RBPJ: variants seen among roughly 807,000 people sequenced by gnomAD.
The protein encoded by RBPJ is recombination signal binding protein for immunoglobulin kappa J region.
In RBPJ, 9 loss-of-function variants were observed where a neutral mutation model predicts 67.8. The observed-to-expected ratio is 0.13, with a 90% confidence interval of 0.08 to 0.23. RBPJ has a LOEUF of 0.23. Among genes scored for constraint, RBPJ ranks in the 10% least tolerant of loss-of-function variants. The pLI, the probability that RBPJ is intolerant of heterozygous loss-of-function variation, is 1.00. For synonymous variants in RBPJ, 198 were observed against 203.3 expected (o/e 0.97, Z 0.22); for missense variants, 305 against 595.6 (o/e 0.51, Z 5.08).
At chr4:26,221,182 C>T (rs1270855616) in intron 1 of RBPJ, among the ~76,000 whole-genome samples, 1 of 152,196 alleles carries the variant, frequency 6.6e-6, no homozygotes, top group Non-Finnish European at 1.5e-5. Flanking sequence ...CCTCCGCCTC[C>T]TGGGTTCACG....
intron 1 of RBPJ, among the ~76,000 whole-genome samples, chr4:26,197,952 A>G (rs574448926): frequency 6.6e-6 from 1 of 152,180 alleles, no homozygotes; most frequent in Admixed American, 6.5e-5. Context: ...TGTAATTTTC[A>G]TTATAATACT....
intron 1 of RBPJ, among the ~76,000 whole-genome samples, chr4:26,215,391 G>GAAGA (rs1718678606): frequency 3.2e-5 from 1 of 31,632 alleles, no homozygotes; most frequent in Non-Finnish European, 5.0e-5. Context: ...GGGAGGGAGA[G>GAAGA]AGGAAGGAAG....
intron 1 of RBPJ, among the ~76,000 whole-genome samples, chr4:26,366,273 T>G (rs368732304): frequency 4.0e-4 from 59 of 148,912 alleles, no homozygotes; most frequent in African/African-American, 1.3e-3. Context: ...AGATCAGTAG[T>G]TTTTTTTTGT....
chr4:26,189,223 A>C (rs564817024), intron 1 of RBPJ, among the ~76,000 whole-genome samples: 81 of 152,308 alleles, frequency 5.3e-4, no homozygotes, highest in African/African-American at 1.8e-3. Flanking sequence ...TCTCTATATT[A>C]AAAACAAATC....
At chr4:26,427,948 G>A (rs908618500) in intron 7 of RBPJ, among the ~76,000 whole-genome samples, 4 of 152,146 alleles carry the variant, frequency 2.6e-5, no homozygotes, top group African/African-American at 9.7e-5. Flanking sequence ...GTCATATAGG[G>A]TTTGATAGTA....
Position 26,386,423 on chromosome 4 carries a change from T to TA in RBPJ, c.59+33dup, listed in dbSNP as rs751570467. 14 of 1,438,842 alleles carry TA rather than the reference T, an allele frequency of 9.7e-6. No homozygotes were observed. The African/African-American group carries it at 1.9e-4, about 19-fold the overall frequency. 89.1% of individuals were successfully genotyped at this position (1,438,842 alleles called of 1,614,324 possible). On this transcript the variant is annotated intron_variant, in intron 2 of 10. Transcript: ENST00000355476. ...ATTATATTAGTCAGCTTTTTACACA[T>TA]ACATTTTATGAAAGTATAAATCTTA...
chr4:26,300,568 C>T (rs953324), intron 1 of RBPJ, among the ~76,000 whole-genome samples: 4,884 of 152,308 alleles, frequency 0.032, 204 homozygotes, highest in African/African-American at 0.098. Context: ...CAGAGGGCGG[C>T]TGACCTGAAT....
chr4:26,175,471 C>T (rs370355268), intron 1 of RBPJ, among the ~76,000 whole-genome samples: 3 of 152,234 alleles, frequency 2.0e-5, no homozygotes, highest in African/African-American at 7.2e-5. Flanking sequence ...AGACCCGCAT[C>T]ACATCGCAGG....
In RBPJ at chr4:26,431,380, G is replaced by A. The variant is rs1736223193; in HGVS notation, c.*373G>A. The A allele has an allele frequency of 5.3e-6, 1 of 187,798 alleles. No homozygotes were observed. Among genetic ancestry groups the A allele is most frequent in the South Asian group, 1.1e-4 (1 of 9,024 alleles). The allele number at this position is 187,798 out of a possible 1,614,324, so 11.6% of individuals were successfully genotyped here. A position where few individuals can be genotyped will look rare whatever the true frequency, so the allele number is the denominator to read the frequency against. On this transcript the variant is annotated 3_prime_UTR_variant, in exon 11 of 11. Transcript: ENST00000355476. ...ACACAAATCTAACATAGTTTTTATGGACCAAGGAACTTGTATATTGTATAA... is the reference window on the plus strand; with the variant it reads ...ACACAAATCTAACATAGTTTTTATGAACCAAGGAACTTGTATATTGTATAA...
chr4:26,320,010 T>C (rs551808574), upstream of RBPJ: 23 of 822,502 alleles, frequency 2.8e-5, no homozygotes, highest in African/African-American at 2.9e-4. Flanking sequence ...GCCGGCAGCG[T>C]CCTCGGCTGT....
At chr4:26,310,463 A>G (rs1328266750) in intron 1 of RBPJ, among the ~76,000 whole-genome samples, 1 of 152,202 alleles carries the variant, frequency 6.6e-6, no homozygotes, top group Non-Finnish European at 1.5e-5. Context: ...GCCCCTGCAC[A>G]ATCTGATAAC....
intron 1 of RBPJ, among the ~76,000 whole-genome samples, chr4:26,310,036 T>C (rs546140373): frequency 6.6e-6 from 1 of 152,338 alleles, no homozygotes; most frequent in East Asian, 1.9e-4. Flanking sequence ...CTGCTGCACA[T>C]ATTAACAAGC....
chr4:26,143,448 C>A, the RBPJ span, among the ~76,000 whole-genome samples: 1 of 152,220 alleles, frequency 6.6e-6, no homozygotes, highest in African/African-American at 2.4e-5. Context: ...TGTAGTGGAG[C>A]CATCTTGGAA....
intron 3 of RBPJ, among the ~76,000 whole-genome samples, chr4:26,407,988 C>T (rs1365087852): frequency 2.0e-5 from 3 of 149,408 alleles, no homozygotes; most frequent in Admixed American, 6.7e-5. Context: ...GGTCCTCCCA[C>T]CTCAGCCACC....
intron 3 of RBPJ, among the ~76,000 whole-genome samples, chr4:26,408,967 C>T (rs916344149): frequency 6.6e-6 from 1 of 152,214 alleles, no homozygotes; most frequent in Non-Finnish European, 1.5e-5. Flanking sequence ...TGAGATTGGG[C>T]TAGCCCAATT....
At chr4:26,413,478 A>C (rs1427563803) in intron 3 of RBPJ, among the ~76,000 whole-genome samples, 1 of 152,128 alleles carries the variant, frequency 6.6e-6, no homozygotes, top group Non-Finnish European at 1.5e-5. Context: ...GAGGAGAGGA[A>C]TTTTGTCTAA....
At chr4:26,369,433 A>G (rs1728941832) in intron 1 of RBPJ, among the ~76,000 whole-genome samples, 1 of 152,168 alleles carries the variant, frequency 6.6e-6, no homozygotes. Context: ...TAACATTCCT[A>G]TTTTACAGAG....
chr4:26,394,846 C>T (rs1397850294), intron 2 of RBPJ, among the ~76,000 whole-genome samples: 3 of 152,164 alleles, frequency 2.0e-5, no homozygotes, highest in Admixed American at 6.5e-5. Flanking sequence ...TAGCCATTAC[C>T]TCATGCTTTT....
At chr4:26,159,411 G>A (rs192177133), upstream of RBPJ, among the ~76,000 whole-genome samples, 1 of 152,108 alleles carries the variant, frequency 6.6e-6, no homozygotes, top group Non-Finnish European at 1.5e-5. Flanking sequence ...ATGATGCCAT[G>A]CCCCTTATTA....
Sources: gnomAD v4.1 joint callset for allele counts (sites outside exome capture counted in the v4.1 genomes callset) on GRCh38, gnomAD v4.1.1 for gene constraint, MANE v1.5 for transcripts, NCBI Gene and HGNC (gene_info 2026-07-23, HGNC 2026-07-21) for gene names.